SLAMF9: variants seen among roughly 807,000 people sequenced by gnomAD.
The protein encoded by SLAMF9 is CD2 family member 10.
Under a neutral mutation model 30.4 loss-of-function variants are expected in SLAMF9, and 25 were observed. The ratio of observed to expected loss-of-function variants is 0.82; its 90% CI spans 0.60 to 1.15. The LOEUF (loss-of-function observed/expected upper bound fraction) is 1.15. Ranked by LOEUF, SLAMF9 falls within the 50% of genes most tolerant of loss-of-function variation. SLAMF9 has a pLI of 0.00. For missense variants in SLAMF9, 344 were observed against 346.1 expected (o/e 0.99, Z 0.05); for synonymous variants, 129 against 127.2 (o/e 1.01, Z -0.09).
the SLAMF9 span, chr1:159,972,687 C>A: frequency 5.0e-6 from 1 of 199,114 alleles, no homozygotes; most frequent in South Asian, 1.6e-4. Context: ...CGAGTGATCC[C>A]CAGGACAGAT....
At chr1:159,960,497 G>A in the SLAMF9 span, among the ~76,000 whole-genome samples, 4 of 136,820 alleles carry the variant, frequency 2.9e-5, no homozygotes, top group East Asian at 2.0e-4. Flanking sequence ...ACGGAGTTTC[G>A]ATCTGTTGCC....
chr1:159,956,219 G>A (rs2840585), upstream of SLAMF9, among the ~76,000 whole-genome samples: 90,397 of 152,048 alleles, frequency 0.59, 29,168 homozygotes, highest in East Asian at 0.87. Flanking sequence ...TGATCCTAGC[G>A]CTTTGGGAGG....
At chr1:159,959,692 A>T in the SLAMF9 span, among the ~76,000 whole-genome samples, 1 of 152,098 alleles carries the variant, frequency 6.6e-6, no homozygotes, top group Non-Finnish European at 1.5e-5. Context: ...GTCAGAGGTG[A>T]CATCACTATA....
the SLAMF9 span, among the ~76,000 whole-genome samples, chr1:159,964,800 T>C: frequency 1.3e-5 from 2 of 152,202 alleles, no homozygotes; most frequent in Non-Finnish European, 2.9e-5. Flanking sequence ...GTTATTATTA[T>C]TGTCATCATC....
At chr1:159,968,055 T>A in the SLAMF9 span, among the ~76,000 whole-genome samples, 1 of 152,206 alleles carries the variant, frequency 6.6e-6, no homozygotes, top group Non-Finnish European at 1.5e-5. Context: ...TGAAGACAAT[T>A]TCACTTCTTC....
At chr1:159,964,931 G>A in the SLAMF9 span, among the ~76,000 whole-genome samples, 54 of 152,282 alleles carry the variant, frequency 3.5e-4, no homozygotes, top group South Asian at 2.1e-4. Context: ...CCACCCAGAC[G>A]GGTCTGCACA....
the SLAMF9 span, among the ~76,000 whole-genome samples, chr1:159,966,195 A>T: frequency 6.6e-6 from 1 of 152,192 alleles, no homozygotes; most frequent in African/African-American, 2.4e-5. Context: ...TCTAAATAAG[A>T]TCATGCAGTA....
At chr1:159,962,667 C>A in the SLAMF9 span, among the ~76,000 whole-genome samples, 15 of 152,252 alleles carry the variant, frequency 9.9e-5, no homozygotes, top group African/African-American at 3.1e-4. Context: ...TTGTATGAGA[C>A]AAGCAGTTAA....
the SLAMF9 span, chr1:159,972,860 G>C: frequency 1.0e-6 from 1 of 960,936 alleles, no homozygotes; most frequent in Non-Finnish European, 1.4e-6. Flanking sequence ...ACATGGGATG[G>C]GAGGCTCAGC....
chr1:159,973,225 T>C, the SLAMF9 span: 1 of 1,207,042 alleles, frequency 8.3e-7, no homozygotes, highest in Non-Finnish European at 1.2e-6. Context: ...GTAACCAGGC[T>C]TCCCTCTTAG....
the SLAMF9 span, among the ~76,000 whole-genome samples, chr1:159,963,598 A>G: frequency 6.6e-6 from 1 of 152,056 alleles, no homozygotes; most frequent in Non-Finnish European, 1.5e-5. Flanking sequence ...GCACATACAT[A>G]CCCTTTCCTC....
chr1:159,977,287 T>G, the SLAMF9 span, among the ~76,000 whole-genome samples: 3 of 152,222 alleles, frequency 2.0e-5, no homozygotes, highest in African/African-American at 7.2e-5. Flanking sequence ...GTCCTGCATT[T>G]TTGTTGAAGG....
chr1:159,965,263 G>A, the SLAMF9 span, among the ~76,000 whole-genome samples: 4 of 152,170 alleles, frequency 2.6e-5, no homozygotes, highest in East Asian at 3.9e-4. Flanking sequence ...ATAAAGTACC[G>A]TGAGGAAAAA....
the SLAMF9 span, among the ~76,000 whole-genome samples, chr1:159,963,168 C>A: frequency 6.6e-6 from 1 of 152,110 alleles, no homozygotes; most frequent in African/African-American, 2.4e-5. Context: ...AGAAAGCATT[C>A]GGCATGGAGT....
At chr1:159,966,388 C>A in the SLAMF9 span, among the ~76,000 whole-genome samples, 3 of 152,124 alleles carry the variant, frequency 2.0e-5, no homozygotes, top group Non-Finnish European at 4.4e-5. Context: ...CACATCTTAG[C>A]TATTGTACAT....
the SLAMF9 span, among the ~76,000 whole-genome samples, chr1:159,973,574 A>C: frequency 1.3e-5 from 2 of 151,830 alleles, no homozygotes; most frequent in African/African-American, 2.4e-5. Context: ...CCAGTGCCCC[A>C]CTCCCAGGAA....
the SLAMF9 span, chr1:159,972,883 G>C: frequency 1.0e-6 from 1 of 995,796 alleles, no homozygotes; most frequent in Non-Finnish European, 1.4e-6. Flanking sequence ...GACCACCCAA[G>C]ACCCTGGCTC....
upstream of SLAMF9, among the ~76,000 whole-genome samples, chr1:159,957,698 C>T (rs555786691): frequency 1.2e-4 from 18 of 152,232 alleles, no homozygotes; most frequent in Non-Finnish European, 2.2e-4. Flanking sequence ...ACAACACTTA[C>T]GTTAATTAGC....
chr1:159,971,877 A>G, the SLAMF9 span, among the ~76,000 whole-genome samples: 1 of 151,904 alleles, frequency 6.6e-6, no homozygotes, highest in African/African-American at 2.4e-5. Flanking sequence ...CTCCCCTGGC[A>G]CTCTGAGGAG....
Sources: allele counts gnomAD v4.1 joint callset (sites outside exome capture counted in the v4.1 genomes callset), GRCh38; gene constraint gnomAD v4.1.1; transcripts MANE v1.5; gene names NCBI Gene and HGNC (gene_info 2026-07-23, HGNC 2026-07-21).